The following EDA variants were observed in gnomAD, a reference collection of about 807,000 sequenced individuals.
EDA encodes the protein ectodysplasin A.
In EDA, 2 loss-of-function variants were observed where a neutral mutation model predicts 23.6. The ratio of observed to expected loss-of-function variants is 0.08; its 90% CI spans 0.03 to 0.27. EDA has a LOEUF of 0.27. EDA is among the 10% of genes least tolerant of loss of function. The probability of loss-of-function intolerance (pLI) is 1.00; values close to 1 mark genes in which losing one functional copy is unlikely to be tolerated. For synonymous variants in EDA, 131 were observed against 132.0 expected (o/e 0.99, Z 0.05); for missense variants, 229 against 324.2 (o/e 0.71, Z 2.26).
intron 1 of EDA, among the ~76,000 whole-genome samples, chrX:69,896,398 A>T (rs868387717): frequency 1.0e-5 from 1 of 97,310 alleles, no homozygotes; most frequent in African/African-American, 3.8e-5. Context: ...TATGTGCATC[A>T]GTGTGTGTGT....
intron 1 of EDA, among the ~76,000 whole-genome samples, chrX:69,762,228 T>A (rs1277963202): frequency 9.0e-6 from 1 of 111,561 alleles, no homozygotes; most frequent in African/African-American, 3.3e-5. Context: ...ATGCCAAAGG[T>A]TTGAAGTGAC....
intron 1 of EDA, among the ~76,000 whole-genome samples, chrX:69,938,974 T>C (rs899854668): frequency 8.9e-6 from 1 of 112,058 alleles, no homozygotes; most frequent in Admixed American, 9.4e-5. Context: ...TTAATGCTAG[T>C]ACCATGCTGT....
Position 69,802,116 on chromosome X carries a change from C to A in EDA, c.397-154911C>A, listed in dbSNP as rs116074473. Among the ~76,000 whole-genome samples, 445 of 110,077 alleles carry A rather than the reference C, an allele frequency of 4.0e-3. 8 individuals carry two copies. The highest frequency in any genetic ancestry group is 0.04 in the Admixed American group (408 of 10,145). ...AAATTGGAAACAACTTAAATCCCCA[C>A]GAGCAAGGGAATAAATAAATTATGG... On this transcript the variant is annotated intron_variant, in intron 1 of 7. Coordinates refer to ENST00000374552, the MANE Select transcript of EDA (RefSeq NM_001399.5).
chrX:70,001,924 T>G (rs1229105132), intron 2 of EDA, among the ~76,000 whole-genome samples: 1 of 111,322 alleles, frequency 9.0e-6, no homozygotes, highest in Non-Finnish European at 1.9e-5. Context: ...CACATTAGAC[T>G]CCCCTGGGAA....
At chrX:69,942,651 A>C (rs1352744300) in intron 1 of EDA, among the ~76,000 whole-genome samples, 1 of 110,573 alleles carries the variant, frequency 9.0e-6, no homozygotes, top group African/African-American at 3.3e-5. Context: ...TAGGAGTTTG[A>C]TAATTAAATG....
intron 1 of EDA, chrX:69,729,061 G>T (rs1020632157): frequency 6.3e-5 from 7 of 111,617 alleles, no homozygotes; most frequent in Non-Finnish European, 1.1e-4. Flanking sequence ...GTGAGTAACT[G>T]TATCTGAGTG....
At position 70,030,616 on chromosome X, in the gene EDA, G is replaced by T. The variant is rs1048240166; in HGVS notation, c.793+96G>T. The T allele has an allele frequency of 4.0e-5, 32 of 807,106 alleles. No individual in the cohort carries two copies. The African/African-American group carries it at 4.3e-4, about 11-fold the overall frequency. 66.5% of individuals were successfully genotyped at this position (807,106 alleles called of 1,213,427 possible). Reference sequence around the variant, plus strand: ...CACCCAGCCTAGTTCCTCCCAGGCCGCTGAGGTACCGTTGGCATACGAAGT... The same window carrying T: ...CACCCAGCCTAGTTCCTCCCAGGCCTCTGAGGTACCGTTGGCATACGAAGT... On this transcript the variant is annotated intron_variant, in intron 6 of 7. Transcript: ENST00000374552.
At chrX:69,676,860 G>A (rs1012140416) in intron 1 of EDA, among the ~76,000 whole-genome samples, 1 of 108,981 alleles carries the variant, frequency 9.2e-6, no homozygotes, top group Non-Finnish European at 1.9e-5. Context: ...TAAGTTTTAG[G>A]GTACATGTGC....
intron 1 of EDA, among the ~76,000 whole-genome samples, chrX:69,634,570 C>T (rs771305781): frequency 9.0e-6 from 1 of 111,235 alleles, no homozygotes; most frequent in Non-Finnish European, 1.9e-5. Flanking sequence ...TCGCCCACCT[C>T]GGCCTCCCAG....
chrX:69,628,910 T>C (rs1474220670), intron 1 of EDA, among the ~76,000 whole-genome samples: 1 of 111,432 alleles, frequency 9.0e-6, no homozygotes, highest in East Asian at 2.8e-4. Flanking sequence ...TGAAAATCTG[T>C]GACTCTTTCT....
intron 1 of EDA, among the ~76,000 whole-genome samples, chrX:69,692,488 T>C (rs980371259): frequency 2.1e-4 from 24 of 111,786 alleles, no homozygotes; most frequent in African/African-American, 7.5e-4. Flanking sequence ...GAAAAATTCA[T>C]TCTCAAGAGA....
intron 1 of EDA, among the ~76,000 whole-genome samples, chrX:69,705,917 A>G (rs185812169): frequency 2.7e-5 from 3 of 112,196 alleles, no homozygotes; most frequent in African/African-American, 9.7e-5. Context: ...TCAAACCAAG[A>G]AAAGAAGGTA....
intron 1 of EDA, among the ~76,000 whole-genome samples, chrX:69,751,647 C>T (rs2013873604): frequency 8.9e-6 from 1 of 111,862 alleles, no homozygotes; most frequent in Non-Finnish European, 1.9e-5. Flanking sequence ...ATTGATTCTT[C>T]CTATCCATGA....
intron 1 of EDA, among the ~76,000 whole-genome samples, chrX:69,804,885 T>C (rs759393100): frequency 8.9e-6 from 1 of 112,019 alleles, no homozygotes; most frequent in East Asian, 2.8e-4. Flanking sequence ...CCTGGAGCCA[T>C]GTTATAACAT....
chrX:69,827,203 T>C (rs1257242173), intron 1 of EDA, among the ~76,000 whole-genome samples: 1 of 111,742 alleles, frequency 8.9e-6, no homozygotes, highest in Non-Finnish European at 1.9e-5. Flanking sequence ...TCAAGGAGTA[T>C]CTTTGTGGCA....
At chrX:69,670,342 G>A in intron 1 of EDA, 1 of 361,403 alleles carries the variant, frequency 2.8e-6, no homozygotes, top group East Asian at 4.5e-5. Context: ...TTTTCTCTTT[G>A]ACTTTTGACA....
intron 1 of EDA, among the ~76,000 whole-genome samples, chrX:69,829,764 A>C (rs1472904930): frequency 8.9e-6 from 1 of 111,911 alleles, no homozygotes; most frequent in Non-Finnish European, 1.9e-5. Context: ...CTTGGCTTTA[A>C]CTTACTTCAG....
chrX:69,871,552 C>T (rs2017566753), intron 1 of EDA, among the ~76,000 whole-genome samples: 2 of 111,617 alleles, frequency 1.8e-5, no homozygotes. Context: ...TTTCTGCCTG[C>T]TTTATATTCA....
At chrX:69,774,016 A>G (rs527755812) in intron 1 of EDA, among the ~76,000 whole-genome samples, 5 of 111,804 alleles carry the variant, frequency 4.5e-5, no homozygotes, top group African/African-American at 1.6e-4. Flanking sequence ...AATTAGTTAG[A>G]TGAGTACAGA....
Sources: allele counts gnomAD v4.1 joint callset (sites outside exome capture counted in the v4.1 genomes callset), GRCh38; gene constraint gnomAD v4.1.1; transcripts MANE v1.5; gene names NCBI Gene and HGNC (gene_info 2026-07-23, HGNC 2026-07-21).